Variants in LRRC4C observed in about 807,000 individuals in gnomAD.
The protein encoded by LRRC4C is leucine-rich repeat-containing protein 4C.
In LRRC4C, 5 loss-of-function variants were observed where a neutral mutation model predicts 33.6. That is an observed-to-expected ratio of 0.15 (90% CI 0.08 to 0.31). The LOEUF (loss-of-function observed/expected upper bound fraction) is 0.31. Among genes scored for constraint, LRRC4C ranks in the 10% least tolerant of loss-of-function variants. The pLI, the probability that LRRC4C is intolerant of heterozygous loss-of-function variation, is 1.00. For synonymous variants in LRRC4C, 329 were observed against 302.0 expected (o/e 1.09, Z -0.93); for missense variants, 560 against 796.7 (o/e 0.70, Z 3.58).
At chr11:40,913,283 C>G (rs1364068891) in intron 2 of LRRC4C, among the ~76,000 whole-genome samples, 1 of 152,078 alleles carries the variant, frequency 6.6e-6, no homozygotes, top group South Asian at 2.1e-4. Flanking sequence ...CCAAAATTGA[C>G]CAAATACTTG....
intron 1 of LRRC4C, among the ~76,000 whole-genome samples, chr11:41,091,796 G>T (rs906793473): frequency 1.3e-5 from 2 of 152,076 alleles, no homozygotes; most frequent in Non-Finnish European, 2.9e-5. Context: ...TAACCAGGTG[G>T]CTGGCGTGTA....
chr11:40,248,288 C>T (rs1866502485), intron 4 of LRRC4C, among the ~76,000 whole-genome samples: 1 of 152,140 alleles, frequency 6.6e-6, no homozygotes, highest in Non-Finnish European at 1.5e-5. Flanking sequence ...TAAGATAGTA[C>T]TTATAACAGT....
intron 1 of LRRC4C, among the ~76,000 whole-genome samples, chr11:41,149,280 C>T (rs1199731663): frequency 2.6e-5 from 4 of 151,748 alleles, no homozygotes; most frequent in East Asian, 1.9e-4. Flanking sequence ...CCGAGGCGGG[C>T]GGATCACGAG....
chr11:41,172,693 G>A (rs1945028180), intron 1 of LRRC4C, among the ~76,000 whole-genome samples: 1 of 152,020 alleles, frequency 6.6e-6, no homozygotes, highest in South Asian at 2.1e-4. Context: ...TCGTGCCTAT[G>A]GGAAATACCC....
At chr11:40,759,268 T>A (rs1949085675) in intron 2 of LRRC4C, among the ~76,000 whole-genome samples, 1 of 147,820 alleles carries the variant, frequency 6.8e-6, no homozygotes, top group African/African-American at 2.5e-5. Flanking sequence ...CATATATATA[T>A]TATATATATA....
chr11:40,514,371 A>C (rs1955472345), intron 3 of LRRC4C, among the ~76,000 whole-genome samples: 1 of 152,190 alleles, frequency 6.6e-6, no homozygotes, highest in South Asian at 2.1e-4. Flanking sequence ...CTCAATTCCC[A>C]GCTCTATAAT....
chr11:40,833,092 G>T (rs987614198), intron 2 of LRRC4C, among the ~76,000 whole-genome samples: 75 of 152,266 alleles, frequency 4.9e-4, no homozygotes, highest in Non-Finnish European at 1.8e-4. Flanking sequence ...AATTTGTGGG[G>T]TGTGGTTATA....
intron 1 of LRRC4C, among the ~76,000 whole-genome samples, chr11:40,944,296 T>G (rs1958289189): frequency 6.6e-6 from 1 of 152,220 alleles, no homozygotes; most frequent in African/African-American, 2.4e-5. Context: ...GAGGATACGA[T>G]ATTTTATCCT....
intron 6 of LRRC4C, among the ~76,000 whole-genome samples, chr11:40,129,172 A>G (rs1856474298): frequency 6.6e-6 from 1 of 152,140 alleles, no homozygotes. Flanking sequence ...CGCACTAAGG[A>G]CCCATAGGAT....
At chr11:40,810,737 CTAAT>C (rs1591781703) in intron 2 of LRRC4C, among the ~76,000 whole-genome samples, 1 of 152,094 alleles carries the variant, frequency 6.6e-6, no homozygotes, top group South Asian at 2.1e-4. Flanking sequence ...ACCCCTACTC[CTAAT>C]TAATTAACAT....
At chr11:41,138,491 A>G (rs1277350985) in intron 1 of LRRC4C, among the ~76,000 whole-genome samples, 1 of 152,204 alleles carries the variant, frequency 6.6e-6, no homozygotes, top group Non-Finnish European at 1.5e-5. Context: ...GTGAACTCAT[A>G]TCATAAAAGA....
At chr11:40,299,607 A>G (rs1241145078) in intron 4 of LRRC4C, among the ~76,000 whole-genome samples, 3 of 152,244 alleles carry the variant, frequency 2.0e-5, no homozygotes, top group African/African-American at 4.8e-5. Context: ...AATAGCTAGC[A>G]TGAATGGGAA....
At chr11:40,449,919 T>A (rs1951811039) in intron 3 of LRRC4C, among the ~76,000 whole-genome samples, 1 of 152,146 alleles carries the variant, frequency 6.6e-6, no homozygotes, top group South Asian at 2.1e-4. Flanking sequence ...CCTGAGAACA[T>A]GAGGAGTGTG....
intron 2 of LRRC4C, among the ~76,000 whole-genome samples, chr11:40,658,139 A>G (rs1311668355): frequency 6.6e-6 from 1 of 152,180 alleles, no homozygotes. Context: ...GACACATATT[A>G]ACTCTCCCTT....
intron 5 of LRRC4C, among the ~76,000 whole-genome samples, chr11:40,223,906 CAATA>C (rs1472293930): frequency 2.0e-5 from 3 of 152,160 alleles, no homozygotes; most frequent in Non-Finnish European, 4.4e-5. Flanking sequence ...ATTTATCCTT[CAATA>C]GTTTTGTTTC....
Position 40,508,907 on chromosome 11 carries a change from A to G in LRRC4C, c.-270+139235T>C, listed in dbSNP as rs1432329080. Among the ~76,000 whole-genome samples the G allele has an allele frequency of 2.6e-5, 4 of 152,242 alleles. No individual in the cohort carries two copies. The East Asian group carries it at 7.7e-4, about 29-fold the overall frequency. On this transcript the variant is annotated intron_variant, in intron 3 of 6. Coordinates refer to ENST00000528697, the MANE Select transcript of LRRC4C (RefSeq NM_001258419.2). ...GTAGCTATTAAATTAAAATAAGGAA[A>G]TACTATTTTTGACCTATCAAATTGA...
chr11:40,310,696 AG>A (rs1945262929), intron 4 of LRRC4C, among the ~76,000 whole-genome samples: 1 of 152,210 alleles, frequency 6.6e-6, no homozygotes, highest in Non-Finnish European at 1.5e-5. Context: ...TAAAGAATTC[AG>A]GGGTGACAGA....
At chr11:40,711,250 T>C (rs761557468) in intron 2 of LRRC4C, among the ~76,000 whole-genome samples, 10 of 152,174 alleles carry the variant, frequency 6.6e-5, no homozygotes, top group Non-Finnish European at 1.3e-4. Context: ...CAGTTGGAGA[T>C]GCAGAAATCA....
At chr11:41,369,215 A>G (rs928990692) in intron 1 of LRRC4C, among the ~76,000 whole-genome samples, 1 of 152,220 alleles carries the variant, frequency 6.6e-6, no homozygotes, top group African/African-American at 2.4e-5. Flanking sequence ...TTTTAGCATA[A>G]TGTAGAAGTT....
Sources: allele counts gnomAD v4.1 joint callset (sites outside exome capture counted in the v4.1 genomes callset), GRCh38; gene constraint gnomAD v4.1.1; transcripts MANE v1.5; gene names NCBI Gene and HGNC (gene_info 2026-07-23, HGNC 2026-07-21).